The following CDK17 variants were observed in gnomAD, a reference collection of about 807,000 sequenced individuals.
CDK17 encodes cyclin-dependent kinase 17.
In CDK17, 24 loss-of-function variants were observed where a neutral mutation model predicts 77.6. The observed-to-expected ratio is 0.31, with a 90% CI of 0.22 to 0.44. The LOEUF (loss-of-function observed/expected upper bound fraction) is 0.44. CDK17 is among the 20% of genes least tolerant of loss of function. The pLI, the probability that CDK17 is intolerant of heterozygous loss-of-function variation, is 1.00. For missense variants in CDK17, 429 were observed against 622.5 expected (o/e 0.69, Z 3.31); for synonymous variants, 203 against 210.4 (o/e 0.96, Z 0.30).
In CDK17 at chr12:96,297,713, A is replaced by G; in HGVS notation, c.724T>C (p.Leu242=). The G allele has an allele frequency of 2.6e-6, 4 of 1,556,092 alleles. No individual in the cohort carries two copies. Among genetic ancestry groups the G allele is most frequent in the Non-Finnish European group, 3.5e-6 (4 of 1,133,242 alleles). The change falls in exon 8 of 17, where the codon TTA becomes CTA. Residue 242 remains leucine, a synonymous_variant. Transcript: ENST00000261211. The part of the protein sequence containing the change: ...PCTAIREVSL[L]KDLKHANIVT... ...ATATTTGCATGTTTTAAATCCTTTA[A>G]TAGTGAAACTGCAAAACAGAAAAAG...
At chr12:96,302,098 G>A (rs1481296823) in intron 5 of CDK17, among the ~76,000 whole-genome samples, 1 of 151,958 alleles carries the variant, frequency 6.6e-6, no homozygotes, top group East Asian at 1.9e-4. Context: ...GAAGTTTTAC[G>A]ACCATCATAC....
chr12:96,299,080 T>C, intron 6 of CDK17, 97 bp from the exon 7 acceptor site: 2 of 600,218 alleles, frequency 3.3e-6, no homozygotes, highest in South Asian at 4.8e-5. Flanking sequence ...TTCTAGTTTC[T>C]AAGCATTGTT....
At chr12:96,381,500 C>G (rs910859576) in intron 1 of CDK17, among the ~76,000 whole-genome samples, 1 of 151,792 alleles carries the variant, frequency 6.6e-6, no homozygotes, top group South Asian at 2.1e-4. Context: ...GCAGGGAGAC[C>G]AGTTTTGAAG....
intron 2 of CDK17, among the ~76,000 whole-genome samples, chr12:96,332,805 A>C (rs1361559858): frequency 6.6e-6 from 1 of 152,248 alleles, no homozygotes; most frequent in Non-Finnish European, 1.5e-5. Context: ...TAATAAAATA[A>C]GTTTTAAAAA....
intron 11 of CDK17, among the ~76,000 whole-genome samples, chr12:96,288,159 CTT>C (rs776860365): frequency 3.9e-4 from 59 of 151,992 alleles, no homozygotes; most frequent in Admixed American, 1.9e-3. Flanking sequence ...CAACTGTACA[CTT>C]AAATTGGTTA....
At chr12:96,327,436 T>C (rs985852576) in intron 2 of CDK17, among the ~76,000 whole-genome samples, 1 of 152,152 alleles carries the variant, frequency 6.6e-6, no homozygotes, top group Non-Finnish European at 1.5e-5. Context: ...TAGGACATAT[T>C]ACAAAGGCAG....
At chr12:96,284,722 G>A (rs1314901568) in intron 13 of CDK17, among the ~76,000 whole-genome samples, 2 of 151,664 alleles carry the variant, frequency 1.3e-5, no homozygotes, top group African/African-American at 2.4e-5. Context: ...GCACCACCAC[G>A]TCCGGCTAAT....
intron 1 of CDK17, among the ~76,000 whole-genome samples, chr12:96,346,263 C>T (rs1320957438): frequency 6.6e-6 from 1 of 152,132 alleles, no homozygotes; most frequent in African/African-American, 2.4e-5. Flanking sequence ...CCAGCCTGGC[C>T]AACATGGTGA....
chr12:96,334,522 A>T (rs17025368), intron 2 of CDK17, among the ~76,000 whole-genome samples, 197 bp downstream of exon 2: 1 of 152,218 alleles, frequency 6.6e-6, no homozygotes, highest in Non-Finnish European at 1.5e-5. Flanking sequence ...CAGGTATCGT[A>T]ATGTTGGAGT....
intron 11 of CDK17, 31 bp downstream of exon 11, chr12:96,289,136 A>G (rs369424893): frequency 1.9e-5 from 30 of 1,609,742 alleles, no homozygotes; most frequent in Non-Finnish European, 2.4e-5. Context: ...TTTCAAAATT[A>G]TAAATGTCAG....
chr12:96,320,121 C>CA (rs919032984), intron 3 of CDK17, among the ~76,000 whole-genome samples: 58 of 152,164 alleles, frequency 3.8e-4, no homozygotes, highest in Non-Finnish European at 1.2e-4. Context: ...AATCAATGTA[C>CA]AAAAATCTTA....
In CDK17 at chr12:96,278,316, A is replaced by G. The variant is rs796385016; in HGVS notation, c.*1926T>C. The G allele has an allele frequency of 5.0e-4, 76 of 152,280 alleles. No individual in the cohort carries two copies. The highest frequency in any genetic ancestry group is 1.8e-3 in the African/African-American group (76 of 41,566). The allele number at this position is 152,280 out of a possible 1,614,324, so 9.4% of individuals were successfully genotyped here. On this transcript the variant is annotated 3_prime_UTR_variant, in exon 17 of 17. Transcript: ENST00000261211. Reference sequence around the variant, plus strand: ...AGCCTATGAAAAGCTATAATGTCAAATTTGCAACAAATCAAATATACATTC... The same window carrying G: ...AGCCTATGAAAAGCTATAATGTCAAGTTTGCAACAAATCAAATATACATTC...
intron 1 of CDK17, among the ~76,000 whole-genome samples, chr12:96,389,459 A>G (rs778995604): frequency 1.2e-4 from 18 of 152,234 alleles, no homozygotes; most frequent in Non-Finnish European, 1.6e-4. Flanking sequence ...ATAGCTTCTT[A>G]GGAAGAAAGG....
intron 1 of CDK17, among the ~76,000 whole-genome samples, chr12:96,368,674 C>T (rs1423633924): frequency 1.3e-5 from 2 of 151,920 alleles, no homozygotes; most frequent in East Asian, 1.9e-4. Context: ...TCCACATTTT[C>T]GTCTAATATT....
intron 1 of CDK17, among the ~76,000 whole-genome samples, chr12:96,382,983 T>A (rs2137230904): frequency 6.6e-6 from 1 of 152,176 alleles, no homozygotes; most frequent in East Asian, 1.9e-4. Flanking sequence ...TCAAATTATC[T>A]CTCTGCAGAT....
intron 1 of CDK17, among the ~76,000 whole-genome samples, chr12:96,355,695 C>T (rs939338215): frequency 6.6e-6 from 1 of 152,088 alleles, no homozygotes; most frequent in Non-Finnish European, 1.5e-5. Flanking sequence ...CGTGAGCCAA[C>T]GTGCCCGGCA....
intron 1 of CDK17, among the ~76,000 whole-genome samples, chr12:96,373,793 C>G (rs1354462306): frequency 1.3e-5 from 2 of 151,644 alleles, no homozygotes; most frequent in Non-Finnish European, 2.9e-5. Context: ...GGTGGTGTGC[C>G]CCTGTAGTCC....
At chr12:96,281,208 C>T (rs967334273) in intron 15 of CDK17, among the ~76,000 whole-genome samples, 4 of 152,160 alleles carry the variant, frequency 2.6e-5, no homozygotes, top group African/African-American at 9.7e-5. Flanking sequence ...TATTATTATA[C>T]TAGGTGTTAA....
In CDK17 at chr12:96,400,418, TCA is replaced by T. The variant is rs1335681524; in HGVS notation, c.-464_-463del. The stretch of plus-strand genomic sequence containing the variant: ...TTCGCTCCTTGCGTGTGCGTCGCTT[TCA>T]CACTCGGCGGCTGCGGATTGACGCC... On this transcript the variant is annotated 5_prime_UTR_variant, in exon 1 of 17. Transcript: ENST00000261211. 2.6e-6 allele frequency: 1 copy of T among 381,384 alleles called. No homozygotes were observed. The highest frequency in any genetic ancestry group is 4.6e-6 in the Non-Finnish European group (1 of 215,442). 23.6% of individuals were successfully genotyped at this position (381,384 alleles called of 1,614,324 possible).
Sources: allele counts gnomAD v4.1 joint callset (sites outside exome capture counted in the v4.1 genomes callset), GRCh38; gene constraint gnomAD v4.1.1; transcripts MANE v1.5; gene names NCBI Gene and HGNC (gene_info 2026-07-23, HGNC 2026-07-21).